Variants in RIMS2 observed in about 807,000 individuals in gnomAD.
RIMS2 encodes regulating synaptic membrane exocytosis protein 2.
Under a neutral mutation model 174.4 loss-of-function variants are expected in RIMS2, and 59 were observed. The ratio of observed to expected loss-of-function variants is 0.34; its 90% CI spans 0.27 to 0.42. RIMS2 has a LOEUF of 0.42. Ranked by LOEUF, RIMS2 falls within the 10% of genes least tolerant of loss-of-function variation. The probability of loss-of-function intolerance (pLI) is 1.00; values close to 1 mark genes in which losing one functional copy is unlikely to be tolerated. For missense variants in RIMS2, 1,620 were observed against 1,666.3 expected (o/e 0.97, Z 0.48); for synonymous variants, 606 against 572.5 (o/e 1.06, Z -0.84).
intron 19 of RIMS2, among the ~76,000 whole-genome samples, chr8:104,133,247 A>G (rs947776987): frequency 6.6e-6 from 1 of 152,160 alleles, no homozygotes; most frequent in African/African-American, 2.4e-5. Flanking sequence ...AGAAAAGGCC[A>G]CTGTGGCTAA....
chr8:104,110,491 G>A (rs1410266481), intron 19 of RIMS2, among the ~76,000 whole-genome samples: 1 of 152,032 alleles, frequency 6.6e-6, no homozygotes, highest in Non-Finnish European at 1.5e-5. Context: ...TCCAAACCAA[G>A]CATAAGGTTT....
intron 9 of RIMS2, among the ~76,000 whole-genome samples, chr8:103,920,331 G>T (rs1306215341): frequency 6.6e-6 from 1 of 151,890 alleles, no homozygotes; most frequent in Non-Finnish European, 1.5e-5. Flanking sequence ...GATGTTCAAA[G>T]AATACATTCT....
intron 19 of RIMS2, among the ~76,000 whole-genome samples, chr8:104,103,214 G>C (rs937001804): frequency 2.0e-5 from 3 of 152,048 alleles, no homozygotes; most frequent in African/African-American, 7.2e-5. Context: ...ATTACTTGTT[G>C]CCAGGGGTTA....
At chr8:103,727,904 T>A (rs575171171) in intron 2 of RIMS2, among the ~76,000 whole-genome samples, 1 of 152,324 alleles carries the variant, frequency 6.6e-6, no homozygotes, top group South Asian at 2.1e-4. Context: ...TTGCTTAAGA[T>A]AGCTTTGGCT....
intron 19 of RIMS2, among the ~76,000 whole-genome samples, chr8:104,166,557 TTTTA>T (rs2135166058): frequency 6.6e-6 from 1 of 152,142 alleles, no homozygotes; most frequent in Non-Finnish European, 1.5e-5. Flanking sequence ...TTTCCAAACT[TTTTA>T]TTTAAGCAAA....
intron 19 of RIMS2, among the ~76,000 whole-genome samples, chr8:104,225,477 AT>A (rs776219608): frequency 6.6e-6 from 1 of 152,186 alleles, no homozygotes; most frequent in South Asian, 2.1e-4. Flanking sequence ...CATTTCCCAG[AT>A]TTTTATTTTT....
intron 8 of RIMS2, among the ~76,000 whole-genome samples, chr8:103,917,725 A>G (rs771242478): frequency 2.0e-5 from 3 of 152,152 alleles, no homozygotes; most frequent in Non-Finnish European, 4.4e-5. Flanking sequence ...ATGTTACTAC[A>G]TTTTAAAAGT....
At chr8:103,663,065 G>A (rs984807938) in intron 1 of RIMS2, among the ~76,000 whole-genome samples, 4 of 151,978 alleles carry the variant, frequency 2.6e-5, no homozygotes, top group African/African-American at 9.7e-5. Context: ...GCTACTCAGG[G>A]GGCTGAGGCA....
intron 19 of RIMS2, among the ~76,000 whole-genome samples, chr8:104,124,624 G>A (rs1046502481): frequency 5.9e-5 from 9 of 152,172 alleles, no homozygotes; most frequent in Non-Finnish European, 1.3e-4. Context: ...AGTGGTTGTG[G>A]TGAATACTAA....
At chr8:103,868,075 C>CCT (rs1230369079) in intron 3 of RIMS2, among the ~76,000 whole-genome samples, 1 of 151,926 alleles carries the variant, frequency 6.6e-6, no homozygotes, top group Non-Finnish European at 1.5e-5. Flanking sequence ...ATTTATTAGA[C>CCT]ATCTTTTGTA....
intron 1 of RIMS2, among the ~76,000 whole-genome samples, chr8:103,636,785 C>CT (rs2096086960): frequency 4.7e-5 from 3 of 63,430 alleles, no homozygotes; most frequent in African/African-American, 6.2e-5. Flanking sequence ...AACCCACCCC[C>CT]GCACCCCCCC....
At chr8:104,003,278 G>C (rs2095457204) in intron 17 of RIMS2, among the ~76,000 whole-genome samples, 1 of 152,106 alleles carries the variant, frequency 6.6e-6, no homozygotes, top group Non-Finnish European at 1.5e-5. Flanking sequence ...GGATATTTGT[G>C]ACATTTTAAA....
intron 1 of RIMS2, among the ~76,000 whole-genome samples, chr8:103,663,977 C>A (rs1207993171): frequency 6.6e-6 from 1 of 152,158 alleles, no homozygotes; most frequent in African/African-American, 2.4e-5. Context: ...AGAAATAACA[C>A]CATACATCTA....
intron 1 of RIMS2, among the ~76,000 whole-genome samples, chr8:103,519,444 A>G (rs1019158334): frequency 6.6e-6 from 1 of 152,106 alleles, no homozygotes; most frequent in African/African-American, 2.4e-5. Flanking sequence ...ATATGTTTCA[A>G]TATTTCCAAT....
chr8:103,585,436 T>G (rs575256696), intron 1 of RIMS2, among the ~76,000 whole-genome samples: 4 of 152,300 alleles, frequency 2.6e-5, no homozygotes, highest in Admixed American at 2.6e-4. Context: ...TGCACACATA[T>G]GTTTATTGCG....
chr8:103,528,449 G>A (rs531782145), intron 1 of RIMS2, among the ~76,000 whole-genome samples: 2 of 152,260 alleles, frequency 1.3e-5, no homozygotes, highest in South Asian at 4.2e-4. Context: ...TGGTGTTTTA[G>A]ACATGAAGTC....
chr8:103,522,870 G>GT (rs1209941040), intron 1 of RIMS2, among the ~76,000 whole-genome samples: 1 of 152,114 alleles, frequency 6.6e-6, no homozygotes, highest in African/African-American at 2.4e-5. Context: ...TCCTCCTTGA[G>GT]TTTAGCACAG....
At chr8:104,244,744 T>A (rs947192804) in intron 19 of RIMS2, among the ~76,000 whole-genome samples, 172 bp from the exon 26 acceptor site, 1 of 152,186 alleles carries the variant, frequency 6.6e-6, no homozygotes, top group Non-Finnish European at 1.5e-5. Context: ...TTCATCCCAC[T>A]CAACATGACA....
intron 2 of RIMS2, among the ~76,000 whole-genome samples, chr8:103,733,443 G>A (rs924027472): frequency 1.3e-5 from 2 of 152,068 alleles, no homozygotes; most frequent in African/African-American, 4.8e-5. Context: ...TTGGTTGCAT[G>A]TTCCCAAGTT....
Sources: gnomAD v4.1 joint callset for allele counts (sites outside exome capture counted in the v4.1 genomes callset) on GRCh38, gnomAD v4.1.1 for gene constraint, MANE v1.5 for transcripts, NCBI Gene and HGNC (gene_info 2026-07-23, HGNC 2026-07-21) for gene names.